The following WWC2 variants were observed in gnomAD, a reference collection of about 807,000 sequenced individuals.
The protein encoded by WWC2 is protein WWC2.
Under a neutral mutation model 138.5 loss-of-function variants are expected in WWC2, and 101 were observed. The observed-to-expected ratio is 0.73, with a 90% CI of 0.62 to 0.86. The LOEUF (loss-of-function observed/expected upper bound fraction) is 0.86. WWC2 is among the 40% of genes least tolerant of loss of function. The probability of loss-of-function intolerance (pLI) is 0.00; values close to 1 mark genes in which losing one functional copy is unlikely to be tolerated. For synonymous variants in WWC2, 558 were observed against 538.4 expected (o/e 1.04, Z -0.50); for missense variants, 1,420 against 1,419.4 (o/e 1.00, Z -0.01).
At chr4:183,292,265 CAT>C (rs939260777) in intron 21 of WWC2, among the ~76,000 whole-genome samples, 2 of 151,208 alleles carry the variant, frequency 1.3e-5, no homozygotes, top group African/African-American at 4.8e-5. Context: ...CACACACACA[CAT>C]ACTCCCAGTG....
At position 183,284,238 on chromosome 4, in the gene WWC2, A is replaced by T; in HGVS notation, c.2896A>T (p.Thr966Ser). 6.2e-7 allele frequency: 1 copy of T among 1,613,870 alleles called. No homozygotes were observed. Among genetic ancestry groups the T allele is most frequent in the Non-Finnish European group, 8.5e-7 (1 of 1,179,792 alleles). Reference protein sequence around the residue: ...TRIPTLVDKETNTDEAANDNM... With the variant: ...TRIPTLVDKESNTDEAANDNM... ...ACTTCTCTTATAGGTTGACAAAGAG[A>T]CAAACACTGATGAAGCCGCTAATGA... The change falls in exon 19 of 23, where the codon ACA becomes TCA. Residue 966 changes from threonine to serine, a missense_variant. Thr to Ser is a moderately conservative substitution (Grantham distance 58). Transcript: ENST00000403733.
chr4:183,310,793 A>G (rs563448156), intron 21 of WWC2, among the ~76,000 whole-genome samples: 1 of 146,856 alleles, frequency 6.8e-6, no homozygotes, highest in Admixed American at 7.0e-5. Context: ...TTTGTTCACA[A>G]CTATAACCCT....
intron 19 of WWC2, 43 bp from the exon 20 acceptor site, chr4:183,285,924 G>A: frequency 6.5e-7 from 1 of 1,529,978 alleles, no homozygotes; most frequent in Non-Finnish European, 8.9e-7. Context: ...CTTGCACTCT[G>A]TTTGATATGC....
chr4:183,261,428 A>G lies in WWC2; in HGVS notation c.1805A>G (p.Asn602Ser), dbSNP rs534285226. ...TTTGCAGATATCAGCCTCATCGAAA[A>G]TCAGATTTTGCTGGATTCTGATTCA... ...SHFADISLIE[N>S]QILLDSDSGG... is the part of the protein sequence containing the mutation. Residue 602 changes from asparagine (N) to serine (S), a missense_variant, in exon 11 of 23, where the codon AAT becomes AGT. Coordinates refer to ENST00000403733, the MANE Select transcript of WWC2 (RefSeq NM_024949.6). 2 of 1,612,714 alleles carry G rather than the reference A, an allele frequency of 1.2e-6. No individual in the cohort carries two copies. Among genetic ancestry groups the G allele is most frequent in the East Asian group, 2.2e-5 (1 of 44,866 alleles).
At chr4:183,183,586 A>G (rs1734705875) in intron 1 of WWC2, among the ~76,000 whole-genome samples, 1 of 152,130 alleles carries the variant, frequency 6.6e-6, no homozygotes, top group African/African-American at 2.4e-5. Flanking sequence ...GTTTGAGACC[A>G]TCCTGGGCAT....
At chr4:183,254,104 T>G (rs954369170) in intron 9 of WWC2, 105 bp downstream of exon 9, 51 of 1,471,380 alleles carry the variant, frequency 3.5e-5, no homozygotes, top group Non-Finnish European at 4.5e-5. Flanking sequence ...CTGTTCTTAG[T>G]GGACTGAGAA....
intron 5 of WWC2, among the ~76,000 whole-genome samples, chr4:183,241,853 C>T (rs1736632855): frequency 6.6e-6 from 1 of 152,170 alleles, no homozygotes; most frequent in Admixed American, 6.5e-5. Flanking sequence ...ATTTTTAAGG[C>T]ACATGAAATT....
chr4:183,201,025 G>A (rs184115336), intron 2 of WWC2, among the ~76,000 whole-genome samples: 56 of 152,292 alleles, frequency 3.7e-4, no homozygotes, highest in Middle Eastern at 3.4e-3. Flanking sequence ...CTTTGAGGCA[G>A]GTTGCACTCA....
chr4:183,109,020 A>G (rs188442075), intron 1 of WWC2, among the ~76,000 whole-genome samples: 1 of 152,330 alleles, frequency 6.6e-6, no homozygotes, highest in Non-Finnish European at 1.5e-5. Flanking sequence ...TTTTTTCTAT[A>G]AATCTAAGAC....
intron 1 of WWC2, among the ~76,000 whole-genome samples, chr4:183,177,711 A>G (rs752368609): frequency 6.6e-6 from 1 of 152,190 alleles, no homozygotes; most frequent in Admixed American, 6.5e-5. Context: ...TTGGATGTCT[A>G]TAAATAGTCA....
intron 1 of WWC2, among the ~76,000 whole-genome samples, chr4:183,163,365 C>G (rs1159917532): frequency 6.6e-6 from 1 of 152,192 alleles, no homozygotes; most frequent in African/African-American, 2.4e-5. Flanking sequence ...GAAATCTGTT[C>G]TTTCATCACC....
chr4:183,126,916 A>T (rs1250914473), intron 1 of WWC2, among the ~76,000 whole-genome samples: 6 of 122,492 alleles, frequency 4.9e-5, no homozygotes, highest in Admixed American at 1.6e-4. Context: ...TTTTTTTTTT[A>T]AAGAGAGATA....
At chr4:183,267,028 GCTTT>G (rs764235058) in intron 14 of WWC2, among the ~76,000 whole-genome samples, 6 of 151,992 alleles carry the variant, frequency 3.9e-5, no homozygotes, top group Non-Finnish European at 5.9e-5. Flanking sequence ...AGAGATAGTG[GCTTT>G]CTTTTTTTTT....
intron 21 of WWC2, among the ~76,000 whole-genome samples, chr4:183,302,507 A>G (rs565998470): frequency 8.5e-5 from 13 of 152,264 alleles, no homozygotes; most frequent in South Asian, 6.2e-4. Flanking sequence ...GCCTGAGTCA[A>G]TGTCGACGTC....
rs1171445788 is a variant in WWC2 at position 183,284,267 on chromosome 4, T to C, written c.2925T>C (p.Asn975=). The change falls in exon 19 of 23, where the codon AAT becomes AAC. Residue 975 remains asparagine, a synonymous_variant. Coordinates refer to ENST00000403733, the MANE Select transcript of WWC2 (RefSeq NM_024949.6). ...ETNTDEAAND[N]MAVRPKERSS... Reference sequence around the variant, plus strand: ...ACACTGATGAAGCCGCTAATGACAATATGGCAGTTCGCCCCAAAGAGCGCA... The same window carrying C: ...ACACTGATGAAGCCGCTAATGACAACATGGCAGTTCGCCCCAAAGAGCGCA... The C allele has an allele frequency of 1.2e-6, 2 of 1,614,014 alleles. No homozygotes were observed. Among genetic ancestry groups the C allele is most frequent in the East Asian group, 2.2e-5 (1 of 44,890 alleles).
In WWC2 at chr4:183,261,111, C is replaced by T. The variant is rs1370293877; in HGVS notation, c.1488C>T (p.Tyr496=). ...LDFLLQEKSG[Y]IPSGPITTIH... is the part of the protein sequence containing the mutation. ...TCCTTCTGCAAGAGAAAAGCGGTTA[C>T]ATTCCTTCTGGACCCATCACCACCA... Residue 496 remains tyrosine (Y), a synonymous_variant, in exon 11 of 23, where the codon TAC becomes TAT. Coordinates refer to ENST00000403733, the MANE Select transcript of WWC2 (RefSeq NM_024949.6). 3 of 1,614,006 alleles carry T rather than the reference C, an allele frequency of 1.9e-6. No individual in the cohort carries two copies. The highest frequency in any genetic ancestry group is 1.1e-5 in the South Asian group (1 of 91,082).
chr4:183,280,350 A>G (rs923937643), intron 16 of WWC2, among the ~76,000 whole-genome samples: 4 of 148,764 alleles, frequency 2.7e-5, no homozygotes, highest in African/African-American at 9.9e-5. Context: ...CTCACTTTAC[A>G]GTTCATTTTC....
chr4:183,245,633 T>C (rs1348958776), intron 6 of WWC2, 88 bp downstream of exon 6: 1 of 1,393,690 alleles, frequency 7.2e-7, no homozygotes. Flanking sequence ...TCCCTCAGAG[T>C]CTGGATGACC....
At chr4:183,116,518 G>T (rs191152516) in intron 1 of WWC2, among the ~76,000 whole-genome samples, 2 of 152,342 alleles carry the variant, frequency 1.3e-5, no homozygotes, top group East Asian at 3.9e-4. Flanking sequence ...GAACTCAAGC[G>T]TGTCTGTCTG....
Sources: gnomAD v4.1 joint callset for allele counts (sites outside exome capture counted in the v4.1 genomes callset) on GRCh38, gnomAD v4.1.1 for gene constraint, MANE v1.5 for transcripts, NCBI Gene and HGNC (gene_info 2026-07-23, HGNC 2026-07-21) for gene names.